CDYL2: variants seen among roughly 807,000 people sequenced by gnomAD.
CDYL2 encodes chromodomain Y like 2, also known as chromodomain Y-like protein 2.
Under a neutral mutation model 49.4 loss-of-function variants are expected in CDYL2, and 23 were observed. The observed-to-expected ratio is 0.47, with a 90% confidence interval of 0.34 to 0.66. The LOEUF is 0.66. Ranked by LOEUF, CDYL2 falls within the 30% of genes least tolerant of loss-of-function variation. The probability of loss-of-function intolerance (pLI) is 0.01; values close to 1 mark genes in which losing one functional copy is unlikely to be tolerated. For synonymous variants in CDYL2, 360 were observed against 268.8 expected, an observed-to-expected ratio of 1.34 and a Z score of -3.32; for missense variants, 678 against 656.4, an observed-to-expected ratio of 1.03 and a Z score of -0.36.
At chr16:80,714,378 T>C (rs1032149734) in intron 1 of CDYL2, among the ~76,000 whole-genome samples, 1 of 152,200 alleles carries the variant, frequency 6.6e-6, no homozygotes, top group Non-Finnish European at 1.5e-5. Flanking sequence ...GGTAAGGACA[T>C]GCTAATTAAC....
At chr16:80,776,587 TG>T (rs781145702) in intron 1 of CDYL2, among the ~76,000 whole-genome samples, 22 of 150,166 alleles carry the variant, frequency 1.5e-4, no homozygotes, top group Non-Finnish European at 2.7e-4. Context: ...CTGTAATTTT[TG>T]TATCTGTATA....
intron 2 of CDYL2, among the ~76,000 whole-genome samples, chr16:80,681,972 G>T (rs553516854): frequency 2.6e-5 from 4 of 152,236 alleles, no homozygotes; most frequent in South Asian, 2.1e-4. Flanking sequence ...AAACTTCAAG[G>T]TCCCACCCCC....
At chr16:80,734,335 G>C (rs752071778) in intron 1 of CDYL2, among the ~76,000 whole-genome samples, 7 of 152,150 alleles carry the variant, frequency 4.6e-5, no homozygotes, top group Non-Finnish European at 8.8e-5. Context: ...AATCATCTTT[G>C]TGTCTGTACC....
chr16:80,754,855 T>A (rs1024975833), intron 1 of CDYL2, among the ~76,000 whole-genome samples: 6 of 152,106 alleles, frequency 3.9e-5, no homozygotes, highest in African/African-American at 1.4e-4. Flanking sequence ...CAGGGGAGCC[T>A]CCTGTATCAG....
chr16:80,654,114 G>A (rs1329457042), intron 2 of CDYL2, among the ~76,000 whole-genome samples: 3 of 152,198 alleles, frequency 2.0e-5, no homozygotes, highest in Non-Finnish European at 4.4e-5. Flanking sequence ...GCTCAGCCGT[G>A]GTGATTTGGG....
intron 1 of CDYL2, among the ~76,000 whole-genome samples, chr16:80,724,324 G>A (rs1211989829): frequency 3.3e-5 from 5 of 151,452 alleles, no homozygotes; most frequent in South Asian, 2.1e-4. Context: ...GATGGGAAGA[G>A]GAAGAGGAGG....
intron 1 of CDYL2, among the ~76,000 whole-genome samples, chr16:80,781,748 T>C (rs1033593793): frequency 6.6e-6 from 1 of 151,978 alleles, no homozygotes; most frequent in Non-Finnish European, 1.5e-5. Context: ...GAAGGAAAAC[T>C]GTAAAACTCA....
In CDYL2 at chr16:80,620,787, C is replaced by T; in HGVS notation, c.983G>A (p.Ser328Asn). 1.9e-6 allele frequency: 3 copies of T among 1,608,202 alleles called. No homozygotes were observed. The highest frequency in any genetic ancestry group is 1.7e-6 in the Non-Finnish European group (2 of 1,175,990). Residue 328 changes from serine (S) to asparagine (N), a missense_variant, in exon 4 of 7, where the codon AGC (serine) becomes AAC (asparagine). Physicochemically the swap from Ser to Asn is conservative, Grantham distance 46. Around this residue, in one of 3 missense-constraint regions of CDYL2, gnomAD observed 478 missense variants for 427.0 expected, o/e 1.12. Transcript: ENST00000570137. ...CCTGATGGCTTCTGCAATCCGAGTG[C>T]TCTCCTTTCGCCGGTCGCTGGACAA... ...GRLSSDRRKESTRIAEAIRDF... is the reference protein window; with the variant it reads ...GRLSSDRRKENTRIAEAIRDF...
chr16:80,722,536 A>G (rs1050884536), intron 1 of CDYL2, among the ~76,000 whole-genome samples: 1 of 152,246 alleles, frequency 6.6e-6, no homozygotes, highest in African/African-American at 2.4e-5. Context: ...CACAAGCTGC[A>G]TGTATATTGT....
At chr16:80,715,064 A>G (rs909364008) in intron 1 of CDYL2, among the ~76,000 whole-genome samples, 2 of 152,158 alleles carry the variant, frequency 1.3e-5, no homozygotes, top group Non-Finnish European at 2.9e-5. Context: ...GTGAGCGGAC[A>G]TGCCTTACTC....
intron 1 of CDYL2, among the ~76,000 whole-genome samples, chr16:80,772,842 A>G (rs1249263602): frequency 6.6e-6 from 1 of 152,224 alleles, no homozygotes; most frequent in African/African-American, 2.4e-5. Context: ...TAACAGAAAA[A>G]ATGGAATAAT....
At position 80,685,060 on chromosome 16, in the gene CDYL2, A is replaced by G. The variant is rs770293397; in HGVS notation, c.94T>C (p.Tyr32His). The G allele has an allele frequency of 6.2e-7, 1 of 1,614,200 alleles. No individual in the cohort carries two copies. Among genetic ancestry groups the G allele is most frequent in the Non-Finnish European group, 8.5e-7 (1 of 1,180,040 alleles). The part of the protein sequence containing the change: ...KWEYLIRWKG[Y>H]GSTEDTWEPE... ...TCCCACGTGTCCTCGGTGCTCCCGT[A>G]GCCTTTCCATCGGATAAGATACTCC... Residue 32 changes from tyrosine to histidine, a missense_variant, in exon 2 of 7, where the codon TAC becomes CAC. By Grantham distance (83) the Tyr-to-His change is moderately conservative. Around this residue, in one of 3 missense-constraint regions of CDYL2, gnomAD observed 478 missense variants for 427.0 expected, o/e 1.12. Coordinates refer to ENST00000570137, the MANE Select transcript of CDYL2 (RefSeq NM_152342.4).
In CDYL2 at chr16:80,598,819, G is replaced by C. The variant is rs1417484299; in HGVS notation, c.*5569C>G. On this transcript the variant is annotated 3_prime_UTR_variant, in exon 7 of 7. Transcript: ENST00000570137. ...AGCATGAGGTTGGTGGAAGTCAGCAGTTTCTCTGCACCATCAAGCATGCAC... is the reference window on the plus strand; with the variant it reads ...AGCATGAGGTTGGTGGAAGTCAGCACTTTCTCTGCACCATCAAGCATGCAC... The C allele has an allele frequency of 6.6e-6, 1 of 152,112 alleles. No individual in the cohort carries two copies. The highest frequency in any genetic ancestry group is 1.5e-5 in the Non-Finnish European group (1 of 68,016). The allele number at this position is 152,112 out of a possible 1,614,324, so 9.4% of individuals were successfully genotyped here. A position where few individuals can be genotyped will look rare whatever the true frequency, so the allele number is the denominator to read the frequency against.
chr16:80,646,151 A>C (rs539000666), intron 2 of CDYL2, among the ~76,000 whole-genome samples: 8 of 152,230 alleles, frequency 5.3e-5, no homozygotes, highest in African/African-American at 7.2e-5. Context: ...TTAAAAAAAA[A>C]CAAAAAAATT....
intron 2 of CDYL2, among the ~76,000 whole-genome samples, chr16:80,652,020 G>C (rs1277678825): frequency 6.6e-6 from 1 of 152,160 alleles, no homozygotes; most frequent in African/African-American, 2.4e-5. Context: ...TGCAGATAAA[G>C]ATGGCTGCAT....
chr16:80,750,334 T>C lies in CDYL2; in HGVS notation c.24+53816A>G, dbSNP rs927286752. ...TCATCTTGTTCCAAGTAGGATAAAA[T>C]GATTAATTTTAAAAGCACAAAATAA... On this transcript the variant is annotated intron_variant, in intron 1 of 6. Coordinates refer to ENST00000570137, the MANE Select transcript of CDYL2 (RefSeq NM_152342.4). Among the ~76,000 whole-genome samples the C allele has an allele frequency of 4.0e-5, 6 of 149,662 alleles. No homozygotes were observed. In the South Asian group the frequency reaches 1.3e-3, roughly 32 times the overall value.
At chr16:80,618,579 T>C (rs12445766) in intron 4 of CDYL2, among the ~76,000 whole-genome samples, 19,123 of 152,164 alleles carry the variant, frequency 0.13, 1,531 homozygotes, top group Non-Finnish European at 0.17. Flanking sequence ...CCTGACCCCC[T>C]GGGTACCCTG....
intron 1 of CDYL2, among the ~76,000 whole-genome samples, chr16:80,757,647 T>C (rs1000379155): frequency 6.6e-6 from 1 of 151,740 alleles, no homozygotes; most frequent in Non-Finnish European, 1.5e-5. Context: ...TTGATATCTA[T>C]ATATTTATTT....
chr16:80,658,376 G>C (rs1908898932), intron 2 of CDYL2, among the ~76,000 whole-genome samples: 1 of 152,114 alleles, frequency 6.6e-6, no homozygotes, highest in South Asian at 2.1e-4. Flanking sequence ...ACATCAAAAG[G>C]GGAGAGGGGA....
Sources: allele counts gnomAD v4.1 joint callset (sites outside exome capture counted in the v4.1 genomes callset), GRCh38; gene constraint gnomAD v4.1.1; regional missense constraint gnomAD v4.1.1; transcripts MANE v1.5; gene names NCBI Gene and HGNC (gene_info 2026-07-23, HGNC 2026-07-21).